Variants in KLF12 observed in about 807,000 individuals in gnomAD.
KLF12 encodes the protein KLF transcription factor 12, also known as Krueppel-like factor 12.
A neutral mutation model predicts 37.8 loss-of-function variants in KLF12; 9 were observed. The observed-to-expected ratio is 0.24, with a 90% confidence interval of 0.14 to 0.42. The LOEUF is 0.42. Among genes scored for constraint, KLF12 ranks in the 10% least tolerant of loss-of-function variants. KLF12 has a pLI of 1.00. For synonymous variants in KLF12, 208 were observed against 202.1 expected (o/e 1.03, Z -0.25); for missense variants, 411 against 516.0 (o/e 0.80, Z 1.97).
chr13:74,265,090 A>C, the KLF12 span, among the ~76,000 whole-genome samples: 6 of 152,322 alleles, frequency 3.9e-5, no homozygotes, highest in African/African-American at 1.4e-4. Context: ...CTAAGTAGAC[A>C]TAGATGACCA....
chr13:74,062,146 CCT>C (rs1321497870), intron 1 of KLF12, among the ~76,000 whole-genome samples: 2 of 152,272 alleles, frequency 1.3e-5, no homozygotes, highest in South Asian at 4.1e-4. Context: ...AGCCCTGACC[CCT>C]GAGTGCACCC....
intron 3 of KLF12, among the ~76,000 whole-genome samples, chr13:73,849,682 AG>A (rs1885226740): frequency 6.6e-6 from 1 of 152,196 alleles, no homozygotes; most frequent in Non-Finnish European, 1.5e-5. Flanking sequence ...AGCACAAGGA[AG>A]AGACACTTCT....
the KLF12 span, among the ~76,000 whole-genome samples, chr13:74,169,477 G>T: frequency 6.6e-6 from 1 of 152,100 alleles, no homozygotes; most frequent in Non-Finnish European, 1.5e-5. Context: ...AAAATGGAGA[G>T]AATAATAACT....
Position 73,695,348 on chromosome 13 carries a change from C to G in KLF12, c.*142G>C, listed in dbSNP as rs1874066331. 2 of 769,010 alleles carry G rather than the reference C, an allele frequency of 2.6e-6. No homozygotes were observed. Among genetic ancestry groups the G allele is most frequent in the South Asian group, 1.9e-5 (1 of 53,102 alleles). 47.6% of individuals were successfully genotyped at this position (769,010 alleles called of 1,614,324 possible). A position where few individuals can be genotyped will look rare whatever the true frequency, so the allele number is the denominator to read the frequency against. ...TTACCTTCAGACCAAAAGAAGTGTG[C>G]CTTCTTTTTCCTGCTCTGGTTTCAG... On this transcript the variant is annotated 3_prime_UTR_variant, in exon 8 of 8. Transcript: ENST00000377669.
intron 5 of KLF12, among the ~76,000 whole-genome samples, chr13:73,790,496 G>C (rs1881624749): frequency 6.6e-6 from 1 of 152,102 alleles, no homozygotes; most frequent in Non-Finnish European, 1.5e-5. Context: ...CAAGTATTTT[G>C]TGAAGTGACT....
chr13:73,710,374 T>C (rs1270307366), intron 7 of KLF12, among the ~76,000 whole-genome samples: 2 of 126,376 alleles, frequency 1.6e-5, no homozygotes, highest in Non-Finnish European at 1.6e-5. Flanking sequence ...TTCGAAGATA[T>C]TGTCTGTGTG....
intron 2 of KLF12, among the ~76,000 whole-genome samples, chr13:73,983,261 G>A (rs73526963): frequency 6.6e-6 from 1 of 152,204 alleles, no homozygotes; most frequent in African/African-American, 2.4e-5. Flanking sequence ...CTTAACATGC[G>A]ATTAAAAAGC....
chr13:73,960,413 T>C (rs775713993), intron 2 of KLF12: 39 of 285,282 alleles, frequency 1.4e-4, no homozygotes, highest in Non-Finnish European at 1.9e-4. Flanking sequence ...ATTTTAAATG[T>C]TATCTATACA....
the KLF12 span, among the ~76,000 whole-genome samples, chr13:74,300,141 C>G: frequency 6.6e-6 from 1 of 151,802 alleles, no homozygotes; most frequent in Non-Finnish European, 1.5e-5. Flanking sequence ...GAGGAACTTA[C>G]GCAGAAAAAA....
chr13:74,104,265 T>C (rs1876528262), intron 1 of KLF12, among the ~76,000 whole-genome samples: 1 of 152,246 alleles, frequency 6.6e-6, no homozygotes, highest in Non-Finnish European at 1.5e-5. Context: ...AACAGAGATA[T>C]TTAGTGAATG....
chr13:74,297,980 GTC>G, the KLF12 span, among the ~76,000 whole-genome samples: 1 of 152,124 alleles, frequency 6.6e-6, no homozygotes, highest in African/African-American at 2.4e-5. Context: ...CATTATGAAT[GTC>G]TCTATTTCAT....
At chr13:73,794,761 T>C (rs1409981273) in intron 5 of KLF12, among the ~76,000 whole-genome samples, 1 of 152,198 alleles carries the variant, frequency 6.6e-6, no homozygotes, top group Admixed American at 6.5e-5. Flanking sequence ...TATTCTTTCT[T>C]TAAAGAATAT....
chr13:74,143,360 C>CCAAATACAATTTCATTCTCAATTT, the KLF12 span, among the ~76,000 whole-genome samples: 11 of 152,120 alleles, frequency 7.2e-5, no homozygotes, highest in African/African-American at 2.7e-4. Context: ...ATTCTCAATT[C>CCAAATACAATTTCATTCTCAATTT]CAAATAAAAA....
At chr13:73,968,857 CTCACAGCTGTACT>C (rs1417981317) in intron 2 of KLF12, among the ~76,000 whole-genome samples, 10 of 152,114 alleles carry the variant, frequency 6.6e-5, no homozygotes, top group African/African-American at 2.4e-4. Flanking sequence ...CCAAGTCATG[CTCACAGCTGTACT>C]TCCAGCTCTG....
intron 3 of KLF12, among the ~76,000 whole-genome samples, chr13:73,911,476 G>T (rs1336311453): frequency 6.6e-6 from 1 of 152,176 alleles, no homozygotes; most frequent in South Asian, 2.1e-4. Flanking sequence ...ATGCTATTTA[G>T]CAAAATTCAT....
chr13:74,217,163 T>A, the KLF12 span, among the ~76,000 whole-genome samples: 1 of 152,098 alleles, frequency 6.6e-6, no homozygotes, highest in East Asian at 1.9e-4. Flanking sequence ...TGTTAGATGA[T>A]TCTTTTTTTT....
chr13:74,066,034 G>C (rs577008277), intron 1 of KLF12, among the ~76,000 whole-genome samples: 2 of 152,242 alleles, frequency 1.3e-5, no homozygotes, highest in South Asian at 4.1e-4. Context: ...ATGGAGGCTA[G>C]AGGTCCTGCA....
chr13:74,265,901 G>A, the KLF12 span, among the ~76,000 whole-genome samples: 1 of 152,190 alleles, frequency 6.6e-6, no homozygotes, highest in Non-Finnish European at 1.5e-5. Flanking sequence ...AGAGATTAGT[G>A]CTACCATCAA....
intron 2 of KLF12, among the ~76,000 whole-genome samples, chr13:73,990,727 TATC>T (rs1282543240): frequency 6.6e-6 from 1 of 152,206 alleles, no homozygotes; most frequent in Non-Finnish European, 1.5e-5. Flanking sequence ...CTGTTAATAA[TATC>T]ATTTTGGTAA....
Sources: gnomAD v4.1 joint callset for allele counts (sites outside exome capture counted in the v4.1 genomes callset) on GRCh38, gnomAD v4.1.1 for gene constraint, MANE v1.5 for transcripts, NCBI Gene and HGNC (gene_info 2026-07-23, HGNC 2026-07-21) for gene names.